The following TNRC6B variants were observed in gnomAD, a reference collection of about 807,000 sequenced individuals.
TNRC6B encodes trinucleotide repeat-containing gene 6B protein.
A neutral mutation model predicts 203.6 loss-of-function variants in TNRC6B; 52 were observed. The observed-to-expected ratio is 0.26, with a 90% CI of 0.20 to 0.32. TNRC6B has a LOEUF of 0.32. TNRC6B is among the 10% of genes least tolerant of loss of function. The pLI, the probability that TNRC6B is intolerant of heterozygous loss-of-function variation, is 1.00. For synonymous variants in TNRC6B, 838 were observed against 845.7 expected (o/e 0.99, Z 0.16); for missense variants, 1,923 against 2,286.2 (o/e 0.84, Z 3.24).
chr22:40,270,313 CTTTTTTT>C, intron 6 of TNRC6B, 33 bp downstream of exon 6: 1 of 1,218,280 alleles, frequency 8.2e-7, no homozygotes, highest in South Asian at 2.4e-5. Context: ...TTGAGGGATC[CTTTTTTT>C]TTTTTTTTTT....
At chr22:40,114,566 T>C (rs764815795) in intron 1 of TNRC6B, among the ~76,000 whole-genome samples, 1 of 152,154 alleles carries the variant, frequency 6.6e-6, no homozygotes, top group African/African-American at 2.4e-5. Context: ...TAACTGATCC[T>C]CCTGCCTCGG....
At position 40,280,136 on chromosome 22, in the gene TNRC6B, T is replaced by A. The variant is rs2070704877; in HGVS notation, c.3404T>A (p.Phe1135Tyr). Residue 1135 changes from phenylalanine to tyrosine, a missense_variant, in exon 10 of 23, where the codon TTT (phenylalanine) becomes TAT (tyrosine). Physicochemically the swap from Phe to Tyr is conservative, Grantham distance 22 (BLOSUM62 3). Transcript: ENST00000454349. Reference sequence around the variant, plus strand: ...GGAACCACAGATAGTGGGCCTTATTTTGAGAAGGTGAGTTGAATCCTTTGT... The same window carrying A: ...GGAACCACAGATAGTGGGCCTTATTATGAGAAGGTGAGTTGAATCCTTTGT... Reference protein sequence around the residue: ...DMGTTDSGPYFEKLTLPFSNQ... With the variant: ...DMGTTDSGPYYEKLTLPFSNQ... 1 of 1,612,564 alleles carries A rather than the reference T, an allele frequency of 6.2e-7. No individual in the cohort carries two copies. The highest frequency in any genetic ancestry group is 8.5e-7 in the Non-Finnish European group (1 of 1,179,068).
intron 1 of TNRC6B, among the ~76,000 whole-genome samples, chr22:40,091,228 C>G (rs1478730841): frequency 6.6e-6 from 1 of 152,086 alleles, no homozygotes; most frequent in Non-Finnish European, 1.5e-5. Flanking sequence ...CGTGATCCGC[C>G]CGCCTCAGCC....
chr22:40,081,402 C>T (rs1042754804), intron 1 of TNRC6B, among the ~76,000 whole-genome samples: 2 of 147,766 alleles, frequency 1.4e-5, no homozygotes, highest in African/African-American at 2.5e-5. Context: ...GAGGTCACCT[C>T]TGGAAGAGCC....
rs1373687178 is a variant in TNRC6B at position 40,330,218 on chromosome 22, C to T, written c.*6977C>T. 6.6e-6 allele frequency: 1 copy of T among 152,114 alleles called. No homozygotes were observed. Among genetic ancestry groups the T allele is most frequent in the Non-Finnish European group, 1.5e-5 (1 of 68,026 alleles). The allele number at this position is 152,114 out of a possible 1,614,324, so 9.4% of individuals were successfully genotyped here. On this transcript the variant is annotated 3_prime_UTR_variant, in exon 23 of 23. Coordinates refer to ENST00000454349, the MANE Select transcript of TNRC6B (RefSeq NM_001162501.2). Reference sequence around the variant, plus strand: ...TTTTTTTTCAAAAAGGGAAATTCCTCTTTACTGCTCACAGTAAGCTGCAAA... The same window carrying T: ...TTTTTTTTCAAAAAGGGAAATTCCTTTTTACTGCTCACAGTAAGCTGCAAA...
intron 1 of TNRC6B, chr22:40,045,392 G>C (rs2067679064): frequency 6.6e-6 from 1 of 150,920 alleles, no homozygotes; most frequent in Non-Finnish European, 1.5e-5. Flanking sequence ...GGTGTGAGCT[G>C]GGGGAGGGCT....
At chr22:40,173,520 A>T (rs1403132261), upstream of TNRC6B, among the ~76,000 whole-genome samples, 1 of 149,790 alleles carries the variant, frequency 6.7e-6, no homozygotes, top group Admixed American at 6.7e-5. Flanking sequence ...CAGTGGCGTG[A>T]TCTCAGCTCA....
At chr22:40,080,976 C>T (rs1414575275) in intron 1 of TNRC6B, among the ~76,000 whole-genome samples, 7 of 152,096 alleles carry the variant, frequency 4.6e-5, no homozygotes, top group Non-Finnish European at 1.0e-4. Context: ...CCTGCCTCAG[C>T]CTCCCAAGTA....
chr22:40,250,765 G>C (rs775571655), intron 2 of TNRC6B, among the ~76,000 whole-genome samples: 5 of 152,014 alleles, frequency 3.3e-5, no homozygotes, highest in Non-Finnish European at 7.4e-5. Context: ...CTGAGGTTTT[G>C]CTTTTAGATT....
intron 16 of TNRC6B, among the ~76,000 whole-genome samples, 170 bp from the exon 17 acceptor site, chr22:40,310,647 A>G (rs1310766496): frequency 1.3e-5 from 2 of 152,214 alleles, no homozygotes; most frequent in African/African-American, 4.8e-5. Context: ...GTTGTTGGTC[A>G]TGCTGCTTAG....
intron 1 of TNRC6B, among the ~76,000 whole-genome samples, chr22:40,101,434 A>G (rs180928667): frequency 3.9e-5 from 6 of 152,162 alleles, no homozygotes; most frequent in Non-Finnish European, 2.9e-5. Flanking sequence ...TCACATTTCT[A>G]TCAGGATTCC....
At chr22:40,048,508 T>A (rs2067713548) in intron 1 of TNRC6B, among the ~76,000 whole-genome samples, 1 of 144,064 alleles carries the variant, frequency 6.9e-6, no homozygotes, top group Non-Finnish European at 1.5e-5. Flanking sequence ...GCCACTGCAC[T>A]CCAGCCTGGG....
At chr22:40,103,545 A>G (rs2068257830) in intron 1 of TNRC6B, among the ~76,000 whole-genome samples, 2 of 152,194 alleles carry the variant, frequency 1.3e-5, no homozygotes, top group South Asian at 4.1e-4. Context: ...GGATAGATTT[A>G]CCACAGTTTG....
chr22:40,073,276 AAT>A (rs1407907099), intron 1 of TNRC6B, among the ~76,000 whole-genome samples: 7 of 151,474 alleles, frequency 4.6e-5, no homozygotes, highest in Non-Finnish European at 1.0e-4. Flanking sequence ...TGCAGAGTGT[AAT>A]ATAGAACACG....
At chr22:40,052,434 T>G (rs906002540) in intron 1 of TNRC6B, among the ~76,000 whole-genome samples, 2 of 148,936 alleles carry the variant, frequency 1.3e-5, no homozygotes, top group South Asian at 4.2e-4. Flanking sequence ...ATAGCAACGC[T>G]GTGTATTGTA....
chr22:40,121,814 C>G (rs1346578437), intron 2 of TNRC6B, among the ~76,000 whole-genome samples: 1 of 152,204 alleles, frequency 6.6e-6, no homozygotes, highest in Non-Finnish European at 1.5e-5. Flanking sequence ...CAGCCACTTA[C>G]GTGAAGACAA....
intron 4 of TNRC6B, among the ~76,000 whole-genome samples, chr22:40,163,823 TTTTA>T (rs1306620173): frequency 6.6e-6 from 1 of 151,954 alleles, no homozygotes; most frequent in African/African-American, 2.4e-5. Context: ...CACAATTTTA[TTTTA>T]TTTTTTTATT....
chr22:40,335,774 A>C lies in TNRC6B; in HGVS notation c.*12533A>C, dbSNP rs1436760572. On this transcript the variant is annotated 3_prime_UTR_variant, in exon 23 of 23. Coordinates refer to ENST00000454349, the MANE Select transcript of TNRC6B (RefSeq NM_001162501.2). ...ATTTTTGGGTTCCTGGAAAAAAAAG[A>C]AAAAAGACTAATAAATGTGTTTGGC... is the stretch of plus-strand genomic sequence containing the variant. 4 of 151,632 alleles carry C rather than the reference A, an allele frequency of 2.6e-5. No individual in the cohort carries two copies. The highest frequency in any genetic ancestry group is 9.7e-5 in the African/African-American group (4 of 41,378). 9.4% of individuals were successfully genotyped at this position (151,632 alleles called of 1,614,324 possible).
intron 1 of TNRC6B, among the ~76,000 whole-genome samples, chr22:40,081,315 T>TTG (rs111674230): frequency 0.013 from 1,914 of 148,596 alleles, 58 homozygotes; most frequent in African/African-American, 0.046. Context: ...GTGTTTTTTT[T>TTG]TTTTTTTTTT....
Sources: allele counts gnomAD v4.1 joint callset (sites outside exome capture counted in the v4.1 genomes callset), GRCh38; gene constraint gnomAD v4.1.1; transcripts MANE v1.5; gene names NCBI Gene and HGNC (gene_info 2026-07-23, HGNC 2026-07-21).